Variants in OCLN observed in about 807,000 individuals in gnomAD.
The protein encoded by OCLN is phosphatase 1, regulatory subunit 115.
In OCLN, 21 loss-of-function variants were observed where a neutral mutation model predicts 47.9. The ratio of observed to expected loss-of-function variants is 0.44; its 90% CI spans 0.31 to 0.63. The LOEUF (loss-of-function observed/expected upper bound fraction) is 0.63. Ranked by LOEUF, OCLN falls within the 30% of genes least tolerant of loss-of-function variation. OCLN has a pLI of 0.08. For synonymous variants in OCLN, 117 were observed against 198.4 expected, an observed-to-expected ratio of 0.59 and a Z score of 3.45; for missense variants, 360 against 571.0, an observed-to-expected ratio of 0.63 and a Z score of 3.77.
intron 4 of OCLN, among the ~76,000 whole-genome samples, chr5:69,523,364 G>A (rs1347040506): frequency 6.6e-6 from 1 of 151,976 alleles, no homozygotes; most frequent in African/African-American, 2.4e-5. Flanking sequence ...AATATTTTTA[G>A]AGAATAGACA....
intron 5 of OCLN, among the ~76,000 whole-genome samples, chr5:69,536,239 G>A (rs1459406492): frequency 6.6e-6 from 1 of 151,240 alleles, no homozygotes; most frequent in Non-Finnish European, 1.5e-5. Context: ...GAATGTGAAG[G>A]CCTAGGACAT....
intron 3 of OCLN, among the ~76,000 whole-genome samples, chr5:69,511,152 G>A (rs912744113): frequency 1.3e-5 from 2 of 151,564 alleles, no homozygotes; most frequent in Admixed American, 1.3e-4. Flanking sequence ...TTTGCTCACT[G>A]TGAGCTACGC....
Position 69,514,014 on chromosome 5 carries a change from A to G in OCLN, c.796A>G (p.Lys266Glu), listed in dbSNP as rs1482825526. 1 of 1,613,918 alleles carries G rather than the reference A, an allele frequency of 6.2e-7. No individual in the cohort carries two copies. Among genetic ancestry groups the G allele is most frequent in the Non-Finnish European group, 8.5e-7 (1 of 1,179,782 alleles). ...TGCTTTAATAATTTTCTTTGCTGTGAAAACTCGAAGAAAGATGGACAGGTA... is the reference window on the plus strand; with the variant it reads ...TGCTTTAATAATTTTCTTTGCTGTGGAAACTCGAAGAAAGATGGACAGGTA... The part of the protein sequence containing the change: ...AFALIIFFAV[K>E]TRRKMDRYDK... Residue 266 changes from lysine (K) to glutamate (E), a missense_variant, in exon 4 of 9, where the codon AAA (lysine) becomes GAA (glutamate). Transcript: ENST00000396442.
At chr5:69,549,996 A>C (rs1431418324) in intron 7 of OCLN, among the ~76,000 whole-genome samples, 1 of 149,018 alleles carries the variant, frequency 6.7e-6, no homozygotes, top group Non-Finnish European at 1.5e-5. Flanking sequence ...TTTTTATATC[A>C]ATAATAAAGA....
At chr5:69,515,661 G>A (rs1380284797) in intron 4 of OCLN, among the ~76,000 whole-genome samples, 25 of 151,486 alleles carry the variant, frequency 1.7e-4, no homozygotes, top group Admixed American at 9.2e-4. Context: ...CCTCCCGGAT[G>A]GGGTAGCTGC....
chr5:69,529,477 G>A (rs1769371646), intron 4 of OCLN, among the ~76,000 whole-genome samples: 1 of 152,100 alleles, frequency 6.6e-6, no homozygotes. Context: ...ATTCTTTCTT[G>A]ATTGGAATAA....
intron 4 of OCLN, among the ~76,000 whole-genome samples, chr5:69,534,102 AC>A (rs1287296236): frequency 7.2e-6 from 1 of 139,256 alleles, no homozygotes; most frequent in African/African-American, 2.7e-5. Context: ...GCCATAGAGA[AC>A]GTACATTAAG....
At chr5:69,519,264 G>T (rs1309617744) in intron 4 of OCLN, among the ~76,000 whole-genome samples, 1 of 152,180 alleles carries the variant, frequency 6.6e-6, no homozygotes, top group East Asian at 1.9e-4. Flanking sequence ...TTCCTTCTTG[G>T]ATTTTTAGCA....
At chr5:69,515,627 G>GC (rs1359400367) in intron 4 of OCLN, among the ~76,000 whole-genome samples, 1 of 102,390 alleles carries the variant, frequency 9.8e-6, no homozygotes, top group Non-Finnish European at 2.1e-5. Flanking sequence ...GGCTGGCCGG[G>GC]CGGGGGGCTG....
At chr5:69,520,300 G>C (rs564313336) in intron 4 of OCLN, among the ~76,000 whole-genome samples, 4 of 145,812 alleles carry the variant, frequency 2.7e-5, no homozygotes, top group African/African-American at 1.0e-4. Context: ...CCACTATGGG[G>C]TACTTTTTTT....
chr5:69,532,995 A>ATGTGTGTG (rs746546559), intron 4 of OCLN, among the ~76,000 whole-genome samples: 1 of 48,910 alleles, frequency 2.0e-5, no homozygotes, highest in African/African-American at 1.0e-4. Flanking sequence ...ATATGTATGC[A>ATGTGTGTG]TGTATGTGTG....
rs765029327 is a variant in OCLN at position 69,509,527 on chromosome 5, C to G, written c.437C>G (p.Ala146Gly). 1 of 1,614,046 alleles carries G rather than the reference C, an allele frequency of 6.2e-7. No individual in the cohort carries two copies. Among genetic ancestry groups the G allele is most frequent in the African/African-American group, 1.3e-5 (1 of 74,912 alleles). Residue 146 changes from alanine (A) to glycine (G), a missense_variant, in exon 3 of 9, where the codon GCC (alanine) becomes GGC (glycine). This residue lies in a region of OCLN where 314 missense variants were observed against 368.1 expected (regional missense o/e 0.85). Coordinates refer to ENST00000396442, the MANE Select transcript of OCLN (RefSeq NM_001205254.2). The stretch of plus-strand genomic sequence containing the variant: ...AAGGGCTTCATGTTGGCCATGGCTG[C>G]CTTTTGTTTCATTGCCGCGTTGGTG... ...AAKGFMLAMA[A>G]FCFIAALVIF...
intron 4 of OCLN, among the ~76,000 whole-genome samples, chr5:69,521,745 TC>T (rs1279872123): frequency 6.6e-6 from 1 of 152,254 alleles, no homozygotes; most frequent in Non-Finnish European, 1.5e-5. Context: ...AACATTTTTT[TC>T]TGTTCTGGTT....
intron 4 of OCLN, among the ~76,000 whole-genome samples, chr5:69,528,722 C>G (rs1769349296): frequency 3.3e-5 from 5 of 152,146 alleles, no homozygotes; most frequent in Admixed American, 3.3e-4. Flanking sequence ...ACTCAATTTC[C>G]TCATCTGAAA....
chr5:69,492,658 A>G (rs1768167160), upstream of OCLN: 1 of 152,424 alleles, frequency 6.6e-6, no homozygotes, highest in Non-Finnish European at 1.5e-5. Context: ...AGGACGCAGC[A>G]GGTGGGACTC....
Position 69,555,594 on chromosome 5 carries a change from A to T in OCLN, c.*1923A>T, listed in dbSNP as rs1047935801. The T allele has an allele frequency of 6.6e-6, 1 of 152,068 alleles. No homozygotes were observed. Among genetic ancestry groups the T allele is most frequent in the Non-Finnish European group, 1.5e-5 (1 of 68,022 alleles). 9.4% of individuals were successfully genotyped at this position (152,068 alleles called of 1,614,324 possible). The stretch of plus-strand genomic sequence containing the variant: ...TATAATTTTTGATAGATGATTTTGA[A>T]TTATTTTCCAGAGATAAAATTTTAA... On this transcript the variant is annotated 3_prime_UTR_variant, in exon 9 of 9. Transcript: ENST00000396442.
intron 4 of OCLN, among the ~76,000 whole-genome samples, chr5:69,525,555 T>C (rs1235368720): frequency 6.6e-6 from 1 of 152,200 alleles, no homozygotes; most frequent in African/African-American, 2.4e-5. Flanking sequence ...CTTCTGAACA[T>C]GTCATGTTTA....
intron 4 of OCLN, among the ~76,000 whole-genome samples, chr5:69,522,361 A>G (rs941105294): frequency 2.6e-5 from 4 of 152,170 alleles, no homozygotes; most frequent in Non-Finnish European, 4.4e-5. Flanking sequence ...TGATTGGTGT[A>G]ATGTTCCTCT....
intron 2 of OCLN, 46 bp downstream of exon 2, chr5:69,504,340 C>T: frequency 8.9e-7 from 1 of 1,126,792 alleles, no homozygotes; most frequent in South Asian, 1.3e-5. Flanking sequence ...AAGTCTATCA[C>T]ATGTAAACAA....
Sources: gnomAD v4.1 joint callset for allele counts (sites outside exome capture counted in the v4.1 genomes callset) on GRCh38, gnomAD v4.1.1 for gene constraint, gnomAD v4.1.1 regional missense constraint, MANE v1.5 for transcripts, NCBI Gene and HGNC (gene_info 2026-07-23, HGNC 2026-07-21) for gene names.